Variants in CACNA2D3 observed in about 807,000 individuals in gnomAD.
CACNA2D3 encodes voltage-dependent calcium channel subunit alpha-2/delta-3.
In CACNA2D3, 60 loss-of-function variants were observed where a neutral mutation model predicts 160.6. The observed-to-expected ratio is 0.37, with a 90% CI of 0.30 to 0.46. The LOEUF is 0.46. Ranked by LOEUF, CACNA2D3 falls within the 20% of genes least tolerant of loss-of-function variation. The pLI is 1.00. For missense variants in CACNA2D3, 1,205 were observed against 1,365.0 expected, an observed-to-expected ratio of 0.88 and a Z score of 1.85; for synonymous variants, 558 against 492.9, an observed-to-expected ratio of 1.13 and a Z score of -1.75.
intron 4 of CACNA2D3, among the ~76,000 whole-genome samples, chr3:54,501,682 A>T (rs1575491564): frequency 6.6e-6 from 1 of 152,228 alleles, no homozygotes; most frequent in Non-Finnish European, 1.5e-5. Context: ...GGTTTCCCAA[A>T]GTTCTGGGAT....
chr3:54,873,113 A>G (rs752200368), intron 18 of CACNA2D3, among the ~76,000 whole-genome samples: 1 of 152,096 alleles, frequency 6.6e-6, no homozygotes, highest in Non-Finnish European at 1.5e-5. Flanking sequence ...TTTCCCCAAG[A>G]AAATGAGTGT....
chr3:54,509,945 G>A (rs1481530312), intron 5 of CACNA2D3, among the ~76,000 whole-genome samples: 1 of 152,202 alleles, frequency 6.6e-6, no homozygotes, highest in Admixed American at 6.5e-5. Context: ...GTATGCATAG[G>A]TTTGTGTCTG....
At chr3:54,708,319 C>T (rs1700892832) in intron 11 of CACNA2D3, among the ~76,000 whole-genome samples, 1 of 152,110 alleles carries the variant, frequency 6.6e-6, no homozygotes, top group African/African-American at 2.4e-5. Flanking sequence ...AACTGTTTTG[C>T]CTGCATGTTC....
intron 2 of CACNA2D3, among the ~76,000 whole-genome samples, chr3:54,190,842 C>G (rs1219262080): frequency 6.6e-6 from 1 of 152,148 alleles, no homozygotes; most frequent in Admixed American, 6.6e-5. Flanking sequence ...CTAATTCTGA[C>G]TCTGCTCCCT....
chr3:54,299,144 CTTGG>C (rs535168522), intron 2 of CACNA2D3, among the ~76,000 whole-genome samples: 2 of 151,410 alleles, frequency 1.3e-5, no homozygotes, highest in Non-Finnish European at 2.9e-5. Flanking sequence ...GTTGTGAGAA[CTTGG>C]TTGGTTTGTA....
At chr3:54,723,637 A>G (rs925677895) in intron 11 of CACNA2D3, among the ~76,000 whole-genome samples, 1 of 152,142 alleles carries the variant, frequency 6.6e-6, no homozygotes, top group Non-Finnish European at 1.5e-5. Flanking sequence ...GGTTGGGGAG[A>G]AAATTCTCTG....
At chr3:54,265,088 G>A (rs1036584720) in intron 2 of CACNA2D3, among the ~76,000 whole-genome samples, 23 of 152,126 alleles carry the variant, frequency 1.5e-4, no homozygotes, top group Non-Finnish European at 3.1e-4. Context: ...ATAATCCTTT[G>A]GGTATATACC....
At chr3:54,382,211 C>T (rs573352626) in intron 3 of CACNA2D3, among the ~76,000 whole-genome samples, 2 of 152,312 alleles carry the variant, frequency 1.3e-5, no homozygotes, top group Admixed American at 1.3e-4. Flanking sequence ...TAAAAGTACA[C>T]TGCCTTTATA....
intron 6 of CACNA2D3, among the ~76,000 whole-genome samples, chr3:54,564,640 G>A (rs1239180615): frequency 6.6e-6 from 1 of 152,200 alleles, no homozygotes; most frequent in Non-Finnish European, 1.5e-5. Flanking sequence ...TCAGTGGCAA[G>A]TGTGCGTGTT....
intron 11 of CACNA2D3, among the ~76,000 whole-genome samples, chr3:54,678,193 A>G (rs140123626): frequency 1.3e-5 from 2 of 152,260 alleles, no homozygotes; most frequent in Non-Finnish European, 2.9e-5. Context: ...ACCTTTCTGT[A>G]ATAATTTAGC....
intron 29 of CACNA2D3, among the ~76,000 whole-genome samples, chr3:54,983,723 C>G (rs186103489): frequency 3.3e-5 from 5 of 152,326 alleles, no homozygotes; most frequent in Admixed American, 2.6e-4. Flanking sequence ...TCCCAGAAAA[C>G]ATCAGCCCCG....
intron 5 of CACNA2D3, among the ~76,000 whole-genome samples, chr3:54,546,432 C>T (rs1002316555): frequency 6.6e-6 from 1 of 152,142 alleles, no homozygotes; most frequent in Admixed American, 6.5e-5. Flanking sequence ...TAAGTAGCCT[C>T]TACCTAAGCA....
At chr3:54,437,423 C>T (rs183538346) in intron 4 of CACNA2D3, among the ~76,000 whole-genome samples, 1 of 152,252 alleles carries the variant, frequency 6.6e-6, no homozygotes, top group Admixed American at 6.5e-5. Flanking sequence ...AAATAAAACC[C>T]CTTGGGTATT....
At chr3:54,373,572 G>C (rs150597714) in intron 3 of CACNA2D3, among the ~76,000 whole-genome samples, 1 of 152,300 alleles carries the variant, frequency 6.6e-6, no homozygotes, top group Non-Finnish European at 1.5e-5. Flanking sequence ...ATAATGCACT[G>C]TAGGCTGTGT....
chr3:54,880,639 G>A (rs1331789702), intron 20 of CACNA2D3, among the ~76,000 whole-genome samples, 157 bp from the exon 21 acceptor site: 2 of 152,190 alleles, frequency 1.3e-5, no homozygotes, highest in Non-Finnish European at 2.9e-5. Flanking sequence ...ACCAACACCA[G>A]TGATAATCAG....
intron 11 of CACNA2D3, among the ~76,000 whole-genome samples, chr3:54,739,116 C>G (rs1229650384): frequency 6.6e-6 from 1 of 150,996 alleles, no homozygotes; most frequent in Non-Finnish European, 1.5e-5. Flanking sequence ...AGGTGACAGA[C>G]TGTCTCAATA....
chr3:54,543,610 C>T (rs368497592), intron 5 of CACNA2D3, among the ~76,000 whole-genome samples: 2 of 152,184 alleles, frequency 1.3e-5, no homozygotes, highest in Admixed American at 6.5e-5. Context: ...GGCTTGGCCT[C>T]TCTCCCTGTT....
chr3:54,800,897 T>C (rs1205969881), intron 13 of CACNA2D3, among the ~76,000 whole-genome samples: 1 of 152,176 alleles, frequency 6.6e-6, no homozygotes, highest in Non-Finnish European at 1.5e-5. Flanking sequence ...TCAGGAATTT[T>C]GAAGTTTAAT....
At chr3:54,729,779 C>T (rs1431199700) in intron 11 of CACNA2D3, among the ~76,000 whole-genome samples, 2 of 152,032 alleles carry the variant, frequency 1.3e-5, no homozygotes, top group Non-Finnish European at 2.9e-5. Flanking sequence ...GTGGGTGGAT[C>T]ACGAGGTCAG....
Sources: allele counts gnomAD v4.1 joint callset (sites outside exome capture counted in the v4.1 genomes callset), GRCh38; gene constraint gnomAD v4.1.1; transcripts MANE v1.5; gene names NCBI Gene and HGNC (gene_info 2026-07-23, HGNC 2026-07-21).